The following TBC1D14 variants were observed in gnomAD, a reference collection of about 807,000 sequenced individuals.
The protein encoded by TBC1D14 is TBC1 domain family, member 14.
TBC1D14 carries 26 observed loss-of-function variants against 79.0 expected under a neutral mutation model. That is an observed-to-expected ratio of 0.33 (90% confidence interval 0.24 to 0.46). The LOEUF (loss-of-function observed/expected upper bound fraction) is 0.46, where lower values mean the gene tolerates loss of function less well. Among genes scored for constraint, TBC1D14 ranks in the 20% least tolerant of loss-of-function variants. TBC1D14 has a pLI of 1.00. For missense variants in TBC1D14, 769 were observed against 887.6 expected, an observed-to-expected ratio of 0.87 and a Z score of 1.70; for synonymous variants, 394 against 349.9, an observed-to-expected ratio of 1.13 and a Z score of -1.40.
intron 13 of TBC1D14, 150 bp downstream of exon 13, chr4:7,025,412 C>CT: frequency 1.5e-6 from 2 of 1,329,218 alleles, no homozygotes; most frequent in Non-Finnish European, 2.0e-6. Flanking sequence ...GGAGACGTGG[C>CT]TGTGCCACAG....
intron 1 of TBC1D14, among the ~76,000 whole-genome samples, chr4:6,911,160 C>A (rs917761582): frequency 6.6e-5 from 10 of 152,118 alleles, no homozygotes; most frequent in African/African-American, 2.4e-4. Flanking sequence ...TATGGCTTCC[C>A]CCCTCCGACC....
At chr4:6,985,843 C>T (rs927846373) in intron 3 of TBC1D14, among the ~76,000 whole-genome samples, 1 of 152,108 alleles carries the variant, frequency 6.6e-6, no homozygotes, top group Non-Finnish European at 1.5e-5. Context: ...TCCTTTCAGC[C>T]AGAATCAGCC....
chr4:7,003,137 G>A (rs905134556), intron 7 of TBC1D14, among the ~76,000 whole-genome samples: 5 of 152,202 alleles, frequency 3.3e-5, no homozygotes, highest in Admixed American at 3.3e-4. Context: ...TTTGACATTG[G>A]AGCAGGGGGT....
intron 3 of TBC1D14, among the ~76,000 whole-genome samples, chr4:6,991,344 G>A (rs1718465193): frequency 6.6e-6 from 1 of 152,190 alleles, no homozygotes; most frequent in Non-Finnish European, 1.5e-5. Context: ...GAGGAGTGTG[G>A]CTGCGGAACC....
In TBC1D14 at chr4:6,911,255, A is replaced by G. The variant is rs374941293; in HGVS notation, c.-18+1304A>G. On this transcript the variant is annotated intron_variant, in intron 1 of 13. Coordinates refer to ENST00000409757, the MANE Select transcript of TBC1D14 (RefSeq NM_020773.3). ...CCTAATGAGATCCCCAGTCCTAATG[A>G]GAGCCTGGCATGAACTTGGTGCTCA... Among the ~76,000 whole-genome samples, 380 of 152,294 alleles carry G rather than the reference A, an allele frequency of 2.5e-3. 4 individuals carry two copies. Among genetic ancestry groups the G allele is most frequent in the African/African-American group, 8.4e-3 (350 of 41,560 alleles).
At chr4:6,989,139 A>G (rs1718219748) in intron 3 of TBC1D14, among the ~76,000 whole-genome samples, 1 of 151,812 alleles carries the variant, frequency 6.6e-6, no homozygotes, top group Non-Finnish European at 1.5e-5. Flanking sequence ...TTTTAAACCA[A>G]CAAACGTTAA....
intron 1 of TBC1D14, among the ~76,000 whole-genome samples, chr4:6,914,663 T>C (rs1261072600): frequency 6.6e-6 from 1 of 152,196 alleles, no homozygotes; most frequent in African/African-American, 2.4e-5. Flanking sequence ...TCATCTGCGC[T>C]TGGGGAGCGG....
intron 2 of TBC1D14, among the ~76,000 whole-genome samples, chr4:6,925,251 A>T (rs989204464): frequency 2.0e-5 from 3 of 152,190 alleles, no homozygotes; most frequent in Non-Finnish European, 4.4e-5. Flanking sequence ...TGGGCGACAG[A>T]ATGAGACTCC....
chr4:7,004,222 T>C (rs1560336434), intron 7 of TBC1D14, among the ~76,000 whole-genome samples: 1 of 152,202 alleles, frequency 6.6e-6, no homozygotes, highest in Non-Finnish European at 1.5e-5. Flanking sequence ...GTCACAAAAA[T>C]AAGTTCTAAA....
intron 2 of TBC1D14, among the ~76,000 whole-genome samples, chr4:6,947,074 A>G (rs1471489267): frequency 6.6e-6 from 1 of 152,136 alleles, no homozygotes; most frequent in Admixed American, 6.5e-5. Context: ...GTAAAAATCT[A>G]AGTTAGGCCG....
intron 3 of TBC1D14, among the ~76,000 whole-genome samples, chr4:6,978,015 G>A (rs1296395335): frequency 4.7e-5 from 7 of 150,532 alleles, no homozygotes; most frequent in Admixed American, 6.6e-5. Context: ...CAGCCACTCC[G>A]TCTGGGACGT....
intron 2 of TBC1D14, among the ~76,000 whole-genome samples, chr4:6,963,238 G>T (rs1409880096): frequency 6.6e-6 from 1 of 152,256 alleles, no homozygotes; most frequent in African/African-American, 2.4e-5. Context: ...GGAGCCAGCA[G>T]CCCCTCTGTT....
chr4:6,976,993 A>G (rs1045124781), intron 3 of TBC1D14, among the ~76,000 whole-genome samples: 4 of 147,014 alleles, frequency 2.7e-5, no homozygotes, highest in African/African-American at 7.6e-5. Flanking sequence ...GAGTTCCCCA[A>G]TGGACTATCA....
rs752536811 is a variant in TBC1D14 at position 7,031,946 on chromosome 4, C to G, written c.*1554C>G. The stretch of plus-strand genomic sequence containing the variant: ...GGACTTTTTATGCCTGCCATACCCG[C>G]TAATGCTCCTCGAGGTGCAGGAGCA... On this transcript the variant is annotated 3_prime_UTR_variant, in exon 14 of 14. Coordinates refer to ENST00000409757, the MANE Select transcript of TBC1D14 (RefSeq NM_020773.3). 1.3e-5 allele frequency: 2 copies of G among 152,378 alleles called. No homozygotes were observed. The highest frequency in any genetic ancestry group is 2.4e-5 in the African/African-American group (1 of 41,458). 9.4% of individuals were successfully genotyped at this position (152,378 alleles called of 1,614,324 possible).
At chr4:6,952,016 G>A (rs1714088170) in intron 2 of TBC1D14, among the ~76,000 whole-genome samples, 1 of 152,148 alleles carries the variant, frequency 6.6e-6, no homozygotes, top group Admixed American at 6.5e-5. Flanking sequence ...GGCTGTTGTC[G>A]TGGTTATGCC....
rs1034247393 is a variant in TBC1D14 at position 7,033,036 on chromosome 4, A to G, written c.*2644A>G. On this transcript the variant is annotated 3_prime_UTR_variant, in exon 14 of 14. Coordinates refer to ENST00000409757, the MANE Select transcript of TBC1D14 (RefSeq NM_020773.3). Reference sequence around the variant, plus strand: ...GTACAGTTAACCTTTAATTTTATTTAGTAAAGTGTATCAAAGTAGGACTTT... The same window carrying G: ...GTACAGTTAACCTTTAATTTTATTTGGTAAAGTGTATCAAAGTAGGACTTT... 1.3e-5 allele frequency: 2 copies of G among 152,682 alleles called. No homozygotes were observed. Among genetic ancestry groups the G allele is most frequent in the African/African-American group, 4.8e-5 (2 of 41,464 alleles). 9.5% of individuals were successfully genotyped at this position (152,682 alleles called of 1,614,324 possible). A position where few individuals can be genotyped will look rare whatever the true frequency, so the allele number is the denominator to read the frequency against.
intron 3 of TBC1D14, among the ~76,000 whole-genome samples, chr4:6,992,783 C>G (rs1718637321): frequency 6.6e-6 from 1 of 152,196 alleles, no homozygotes; most frequent in Non-Finnish European, 1.5e-5. Context: ...GCTGTGTACC[C>G]CATACAGTGT....
intron 1 of TBC1D14, among the ~76,000 whole-genome samples, chr4:6,912,031 C>T (rs780078842): frequency 6.6e-5 from 10 of 152,090 alleles, no homozygotes; most frequent in South Asian, 2.1e-4. Context: ...GCGATTCTCC[C>T]GAGTAGCTGC....
At chr4:6,959,677 A>G (rs1715002127) in intron 2 of TBC1D14, among the ~76,000 whole-genome samples, 1 of 152,206 alleles carries the variant, frequency 6.6e-6, no homozygotes, top group African/African-American at 2.4e-5. Context: ...AGGCATGACG[A>G]TTGTACTTAG....
Sources: gnomAD v4.1 joint callset for allele counts (sites outside exome capture counted in the v4.1 genomes callset) on GRCh38, gnomAD v4.1.1 for gene constraint, MANE v1.5 for transcripts, NCBI Gene and HGNC (gene_info 2026-07-23, HGNC 2026-07-21) for gene names.